The following GPCPD1 variants were observed in gnomAD, a reference collection of about 807,000 sequenced individuals.
GPCPD1 encodes the protein glycerophosphocholine phosphodiesterase GPCPD1.
In GPCPD1, 29 loss-of-function variants were observed where a neutral mutation model predicts 89.2. That is an observed-to-expected ratio of 0.33 (90% CI 0.24 to 0.44). The LOEUF (loss-of-function observed/expected upper bound fraction) is 0.44, where lower values mean the gene tolerates loss of function less well. Among genes scored for constraint, GPCPD1 ranks in the 20% least tolerant of loss-of-function variants. GPCPD1 has a pLI of 1.00. For synonymous variants in GPCPD1, 258 were observed against 266.3 expected (o/e 0.97, Z 0.30); for missense variants, 594 against 808.9 (o/e 0.73, Z 3.22).
chr20:5,603,552 GTATA>G (rs1980326519), intron 2 of GPCPD1, among the ~76,000 whole-genome samples: 1 of 152,052 alleles, frequency 6.6e-6, no homozygotes, highest in Non-Finnish European at 1.5e-5. Flanking sequence ...TGAAAGGCCA[GTATA>G]GCCAGAGTAC....
intron 19 of GPCPD1, among the ~76,000 whole-genome samples, chr20:5,549,864 T>C (rs1482608667): frequency 1.3e-5 from 2 of 151,356 alleles, no homozygotes; most frequent in Non-Finnish European, 2.9e-5. Context: ...AAAAAGATAG[T>C]TCTTGGAAAT....
intron 4 of GPCPD1, among the ~76,000 whole-genome samples, chr20:5,591,786 T>C (rs1979344193): frequency 2.0e-5 from 3 of 152,190 alleles, no homozygotes; most frequent in Non-Finnish European, 4.4e-5. Flanking sequence ...TGTAGCCATA[T>C]GCATGGGATT....
At chr20:5,602,407 C>G (rs1448857445) in intron 2 of GPCPD1, among the ~76,000 whole-genome samples, 1 of 152,190 alleles carries the variant, frequency 6.6e-6, no homozygotes, top group Non-Finnish European at 1.5e-5. Context: ...CACACTAAAC[C>G]AGAGGTGAGC....
chr20:5,598,459 C>T (rs1285004538), intron 3 of GPCPD1, among the ~76,000 whole-genome samples: 1 of 148,722 alleles, frequency 6.7e-6, no homozygotes, highest in Non-Finnish European at 1.5e-5. Context: ...AAAGTATATT[C>T]AATTATCCTG....
intron 2 of GPCPD1, among the ~76,000 whole-genome samples, chr20:5,601,557 C>T (rs1030395996): frequency 3.3e-5 from 5 of 151,760 alleles, no homozygotes; most frequent in South Asian, 2.1e-4. Flanking sequence ...TTAGTAGAGA[C>T]GGAGTTTCAC....
chr20:5,546,822 T>C lies in GPCPD1; in HGVS notation c.*839A>G, dbSNP rs1198764280. The C allele has an allele frequency of 6.6e-6, 1 of 152,550 alleles. No individual in the cohort carries two copies. The highest frequency in any genetic ancestry group is 2.4e-5 in the African/African-American group (1 of 41,412). 9.4% of individuals were successfully genotyped at this position (152,550 alleles called of 1,614,324 possible). On this transcript the variant is annotated 3_prime_UTR_variant, in exon 20 of 20. Coordinates refer to ENST00000379019, the MANE Select transcript of GPCPD1 (RefSeq NM_019593.5). ...TTAGGCAACAAAATACGTCCAGTCC[T>C]TGACATCTTCTCATACTCACCTAGC...
intron 19 of GPCPD1, chr20:5,548,825 G>T: frequency 3.2e-6 from 2 of 623,050 alleles, no homozygotes; most frequent in East Asian, 4.8e-5. Context: ...GGAGCAGATC[G>T]ATGTAAGACG....
chr20:5,547,442 A>G lies in GPCPD1; in HGVS notation c.*219T>C, dbSNP rs1985087567. ...TTTAAAATATTTATATTACTAACCA[A>G]TAAATTTTCTCACTATAAAGAGACT... On this transcript the variant is annotated 3_prime_UTR_variant, in exon 20 of 20. Coordinates refer to ENST00000379019, the MANE Select transcript of GPCPD1 (RefSeq NM_019593.5). 2 of 309,664 alleles carry G rather than the reference A, an allele frequency of 6.5e-6. No individual in the cohort carries two copies. Among genetic ancestry groups the G allele is most frequent in the Non-Finnish European group, 1.2e-5 (2 of 171,582 alleles). The allele number at this position is 309,664 out of a possible 1,614,324, so 19.2% of individuals were successfully genotyped here.
chr20:5,563,900 A>G (rs1986228051), intron 15 of GPCPD1, among the ~76,000 whole-genome samples: 1 of 152,194 alleles, frequency 6.6e-6, no homozygotes, highest in Non-Finnish European at 1.5e-5. Context: ...ATTTCCATGC[A>G]CGTGTTAGCA....
rs548219063 is a variant in GPCPD1 at position 5,567,673 on chromosome 20, T to C, written c.1150-113A>G. On this transcript the variant is annotated intron_variant, in intron 12 of 19. Transcript: ENST00000379019. Reference sequence around the variant, plus strand: ...ACACTAGACAGGCCTAGCAACTCTATTTACTCAACAATGAGAATAACTGTT... The same window carrying C: ...ACACTAGACAGGCCTAGCAACTCTACTTACTCAACAATGAGAATAACTGTT... 2.6e-4 allele frequency: 249 copies of C among 971,374 alleles called. 4 individuals are homozygous for C. The South Asian group carries it at 4.5e-3, about 17-fold the overall frequency. The allele number at this position is 971,374 out of a possible 1,614,324, so 60.2% of individuals were successfully genotyped here. A position where few individuals can be genotyped will look rare whatever the true frequency, so the allele number is the denominator to read the frequency against.
At chr20:5,548,751 G>A in intron 19 of GPCPD1, 1 of 269,154 alleles carries the variant, frequency 3.7e-6, no homozygotes. Flanking sequence ...AAGTTTGTCA[G>A]TGAGAGAACT....
chr20:5,575,479 T>C lies in GPCPD1; in HGVS notation c.935A>G (p.Tyr312Cys), dbSNP rs531008065. 6.3e-6 allele frequency: 10 copies of C among 1,598,860 alleles called. No homozygotes were observed. In the South Asian group the frequency reaches 8.8e-5, roughly 14 times the overall value. Residue 312 changes from tyrosine (Y) to cysteine (C), a missense_variant, in exon 10 of 20, where the codon TAT becomes TGT. By Grantham distance (194) the Tyr-to-Cys change is radical. Coordinates refer to ENST00000379019, the MANE Select transcript of GPCPD1 (RefSeq NM_019593.5). Reference protein sequence around the residue: ...SCDMKSSFSKYWKPRIPLDVG... With the variant: ...SCDMKSSFSKCWKPRIPLDVG... Reference sequence around the variant, plus strand: ...ATCCAATGGTATTCTTGGCTTCCAATACTTGGAAAATGAAGATTTCATGTC... The same window carrying C: ...ATCCAATGGTATTCTTGGCTTCCAACACTTGGAAAATGAAGATTTCATGTC...
Position 5,549,031 on chromosome 20 carries a change from T to G in GPCPD1, c.1830-1181A>C, listed in dbSNP as rs902086605. 6 of 677,794 alleles carry G rather than the reference T, an allele frequency of 8.9e-6. No homozygotes were observed. The African/African-American group carries it at 1.1e-4, about 12-fold the overall frequency. 42.0% of individuals were successfully genotyped at this position (677,794 alleles called of 1,614,324 possible). On this transcript the variant is annotated intron_variant, in intron 19 of 19. Transcript: ENST00000379019. Reference sequence around the variant, plus strand: ...ACCTGCCGCTGATCTCTAAGTTTGATCCTGTTGACTTTTGGGCTCTGTACA... The same window carrying G: ...ACCTGCCGCTGATCTCTAAGTTTGAGCCTGTTGACTTTTGGGCTCTGTACA...
Position 5,578,377 on chromosome 20 carries a change from C to A in GPCPD1, c.705+3G>T. ...CAATCCCCTCACTGCAGTAACTACT[C>A]ACTTCGAAAAAATCAAAGATTAGTT... is the stretch of plus-strand genomic sequence containing the variant. On this transcript the variant is annotated splice_donor_region_variant and intron_variant, in intron 8 of 19. Coordinates refer to ENST00000379019, the MANE Select transcript of GPCPD1 (RefSeq NM_019593.5). The A allele has an allele frequency of 1.9e-6, 3 of 1,548,496 alleles. No individual in the cohort carries two copies. The South Asian group carries it at 3.3e-5, about 17-fold the overall frequency.
At chr20:5,574,903 T>C (rs1978285833) in intron 10 of GPCPD1, among the ~76,000 whole-genome samples, 1 of 152,216 alleles carries the variant, frequency 6.6e-6, no homozygotes, top group African/African-American at 2.4e-5. Context: ...GCATGAGCTA[T>C]CGCACTGGTA....
intron 2 of GPCPD1, among the ~76,000 whole-genome samples, chr20:5,602,576 G>C (rs1186859422): frequency 6.6e-6 from 1 of 152,228 alleles, no homozygotes; most frequent in Non-Finnish European, 1.5e-5. Context: ...GAATAAAGAA[G>C]CTAGATGTAG....
chr20:5,597,314 C>T (rs1355316684), intron 3 of GPCPD1, among the ~76,000 whole-genome samples: 3 of 152,020 alleles, frequency 2.0e-5, no homozygotes, highest in Admixed American at 2.0e-4. Context: ...GTTGCTTTAC[C>T]ACCAGTGCTC....
chr20:5,590,273 G>A (rs924833075), intron 4 of GPCPD1, among the ~76,000 whole-genome samples: 2 of 152,074 alleles, frequency 1.3e-5, no homozygotes, highest in African/African-American at 4.8e-5. Flanking sequence ...ACGTGCGGTG[G>A]CTCCTGCTTG....
chr20:5,577,347 G>A (rs1978294767), intron 8 of GPCPD1, among the ~76,000 whole-genome samples: 1 of 151,630 alleles, frequency 6.6e-6, no homozygotes, highest in East Asian at 1.9e-4. Flanking sequence ...AATTAGCTGG[G>A]TGTGGTGGTA....
Sources: gnomAD v4.1 joint callset for allele counts (sites outside exome capture counted in the v4.1 genomes callset) on GRCh38, gnomAD v4.1.1 for gene constraint, MANE v1.5 for transcripts, NCBI Gene and HGNC (gene_info 2026-07-23, HGNC 2026-07-21) for gene names.